Variants in CPZ observed in about 807,000 individuals in gnomAD.
The protein encoded by CPZ is VEZT/CPZ fusion.
A neutral mutation model predicts 61.8 loss-of-function variants in CPZ; 103 were observed. That is an observed-to-expected ratio of 1.67 (90% CI 1.42 to 1.96). CPZ has a LOEUF of 1.96. CPZ is among the 30% of genes most tolerant of loss of function. CPZ has a pLI of 0.00. For synonymous variants in CPZ, 551 were observed against 373.7 expected, an observed-to-expected ratio of 1.47 and a Z score of -5.47; for missense variants, 1,461 against 914.9, an observed-to-expected ratio of 1.60 and a Z score of -7.70.
intron 9 of CPZ, among the ~76,000 whole-genome samples, chr4:8,615,925 A>T (rs1307948401): frequency 6.6e-6 from 1 of 152,220 alleles, no homozygotes; most frequent in Non-Finnish European, 1.5e-5. Flanking sequence ...TTTCTTTCTG[A>T]TGGCTGTGCC....
chr4:8,600,917 A>C, intron 2 of CPZ: 1 of 1,282,276 alleles, frequency 7.8e-7, no homozygotes. Flanking sequence ...TGGGTAGTTG[A>C]ATCTGGTTGG....
chr4:8,610,066 T>C (rs1715522311), intron 7 of CPZ, among the ~76,000 whole-genome samples: 1 of 152,210 alleles, frequency 6.6e-6, no homozygotes, highest in Non-Finnish European at 1.5e-5. Flanking sequence ...AACCCCTTTC[T>C]GGCTTTGCCA....
intron 1 of CPZ, among the ~76,000 whole-genome samples, chr4:8,596,914 C>T (rs565420415): frequency 1.1e-3 from 167 of 152,318 alleles, no homozygotes; most frequent in African/African-American, 3.9e-3. Flanking sequence ...AAAGTTAGTT[C>T]TTCCAGTCGC....
chr4:8,611,894 C>CCTGCAGACACCATTCCCCTCTCCTAT, intron 7 of CPZ, 133 bp from the exon 8 acceptor site: 5 of 1,279,032 alleles, frequency 3.9e-6, no homozygotes, highest in Admixed American at 2.0e-5. Flanking sequence ...CCCTCTCCTA[C>CCTGCAGACACCATTCCCCTCTCCTAT]CTGCAGACAC....
intron 3 of CPZ, 41 bp from the exon 4 acceptor site, chr4:8,603,934 TG>T: frequency 6.4e-7 from 1 of 1,572,708 alleles, no homozygotes. Context: ...GTAGGAAGCC[TG>T]GGGGCCTGAC....
chr4:8,600,347 T>G (rs1243865722), intron 2 of CPZ, among the ~76,000 whole-genome samples: 2 of 152,114 alleles, frequency 1.3e-5, no homozygotes, highest in Non-Finnish European at 2.9e-5. Flanking sequence ...ACATGAGACG[T>G]GGCAAAATGT....
Position 8,619,575 on chromosome 4 carries a change from A to C in CPZ, c.1917A>C (p.Thr639=), listed in dbSNP as rs775559130. The change falls in exon 11 of 11, where the codon ACA becomes ACC. Residue 639 remains threonine, a synonymous_variant. Transcript: ENST00000360986. ...GSKPWWWSYF[T]SLSTHRPRWL... is the part of the protein sequence containing the mutation. ...AGCCCTGGTGGTGGTCCTACTTCAC[A>C]TCGCTGAGCACCCACAGGCCACGCT... 1.4e-5 allele frequency: 21 copies of C among 1,530,430 alleles called. No individual in the cohort carries two copies. Among genetic ancestry groups the C allele is most frequent in the Non-Finnish European group, 1.8e-5 (20 of 1,138,466 alleles). 94.8% of individuals were successfully genotyped at this position (1,530,430 alleles called of 1,614,324 possible).
chr4:8,619,637 C>G lies in CPZ; in HGVS notation c.*20C>G. The G allele has an allele frequency of 6.8e-7, 1 of 1,475,106 alleles. No homozygotes were observed. 91.4% of individuals were successfully genotyped at this position (1,475,106 alleles called of 1,614,324 possible). ...TACTAGCCCCGGCCCCAGCACCCGC[C>G]AGGATGTGGAGACCGAGGCCCATCT... On this transcript the variant is annotated 3_prime_UTR_variant, in exon 11 of 11. Transcript: ENST00000360986.
At chr4:8,605,774 G>A (rs1714942157) in intron 4 of CPZ, among the ~76,000 whole-genome samples, 2 of 152,260 alleles carry the variant, frequency 1.3e-5, no homozygotes, top group African/African-American at 4.8e-5. Context: ...ATATTCTTGA[G>A]TTATGCTAAC....
Position 8,595,109 on chromosome 4 carries a change from T to G in CPZ, c.88+2188T>G, listed in dbSNP as rs190087726. Among the ~76,000 whole-genome samples the G allele has an allele frequency of 2.2e-3, 334 of 152,360 alleles. 1 individual carries two copies. Among genetic ancestry groups the G allele is most frequent in the Non-Finnish European group, 1.6e-3 (112 of 68,034 alleles). ...TATTTAACCCAATATGTCCAAAATATTCCAGCATTTTGGCATTCATATAAA... is the reference window on the plus strand; with the variant it reads ...TATTTAACCCAATATGTCCAAAATAGTCCAGCATTTTGGCATTCATATAAA... On this transcript the variant is annotated intron_variant, in intron 1 of 10. Transcript: ENST00000360986.
At chr4:8,610,919 AGTCT>A in intron 7 of CPZ, among the ~76,000 whole-genome samples, 1 of 152,012 alleles carries the variant, frequency 6.6e-6, no homozygotes, top group African/African-American at 2.4e-5. Flanking sequence ...TGGGAGTCCG[AGTCT>A]CATGACCCCC....
intron 4 of CPZ, among the ~76,000 whole-genome samples, chr4:8,605,026 C>T (rs893179291): frequency 6.6e-6 from 1 of 152,238 alleles, no homozygotes; most frequent in Admixed American, 6.5e-5. Flanking sequence ...GGCAGAGGCT[C>T]TCCCTACAGC....
intron 7 of CPZ, chr4:8,611,057 C>T (rs1239160605): frequency 5.3e-6 from 2 of 377,232 alleles, no homozygotes; most frequent in Non-Finnish European, 1.1e-5. Flanking sequence ...CGCATTCGCT[C>T]ACTCACTCAT....
intron 9 of CPZ, among the ~76,000 whole-genome samples, chr4:8,614,832 G>T (rs531184520): frequency 6.6e-5 from 10 of 151,778 alleles, no homozygotes; most frequent in Admixed American, 2.6e-4. Context: ...AGGCTGGGGG[G>T]GCTTCCTGGA....
intron 2 of CPZ, chr4:8,599,708 C>A (rs1714433322): frequency 8.5e-7 from 1 of 1,170,558 alleles, no homozygotes; most frequent in Non-Finnish European, 1.2e-6. Flanking sequence ...CCGGGCTATG[C>A]CCACCCCAGC....
At chr4:8,598,750 CATT>C (rs1714363498) in intron 1 of CPZ, among the ~76,000 whole-genome samples, 1 of 152,270 alleles carries the variant, frequency 6.6e-6, no homozygotes, top group Non-Finnish European at 1.5e-5. Flanking sequence ...TAGCAGCCAG[CATT>C]GCTTAGGGTT....
chr4:8,611,075 TTCATTCGCTCATTCAC>T (rs1560299868), intron 7 of CPZ: 4 of 362,846 alleles, frequency 1.1e-5, no homozygotes, highest in Non-Finnish European at 1.8e-5. Context: ...CATTCACTCA[TTCATTCGCTCATTCAC>T]TCACTCACTC....
intron 8 of CPZ, 149 bp from the exon 9 acceptor site, chr4:8,614,210 G>C (rs959628471): frequency 9.5e-7 from 1 of 1,051,670 alleles, no homozygotes; most frequent in Non-Finnish European, 1.3e-6. Flanking sequence ...TGCCTGCTGG[G>C]CACTTGGCTG....
intron 7 of CPZ, chr4:8,611,232 C>T (rs1715647461): frequency 2.2e-6 from 1 of 456,136 alleles, no homozygotes; most frequent in Admixed American, 2.3e-5. Flanking sequence ...CAGGGTGAGC[C>T]CTTCGCCTGC....
Sources: allele counts gnomAD v4.1 joint callset (sites outside exome capture counted in the v4.1 genomes callset), GRCh38; gene constraint gnomAD v4.1.1; transcripts MANE v1.5; gene names NCBI Gene and HGNC (gene_info 2026-07-23, HGNC 2026-07-21).